The following TASP1 variants were observed in gnomAD, a reference collection of about 807,000 sequenced individuals.
TASP1 encodes the protein taspase 1, also known as threonine aspartase 1.
A neutral mutation model predicts 56.6 loss-of-function variants in TASP1; 16 were observed. The ratio of observed to expected loss-of-function variants is 0.28; its 90% CI spans 0.19 to 0.43. The LOEUF (loss-of-function observed/expected upper bound fraction) is 0.43, where lower values mean the gene tolerates loss of function less well. Among genes scored for constraint, TASP1 ranks in the 20% least tolerant of loss-of-function variants. The probability of loss-of-function intolerance (pLI) is 1.00; values close to 1 mark genes in which losing one functional copy is unlikely to be tolerated. For missense variants in TASP1, 393 were observed against 511.6 expected, an observed-to-expected ratio of 0.77 and a Z score of 2.24; for synonymous variants, 179 against 184.2, an observed-to-expected ratio of 0.97 and a Z score of 0.23.
chr20:13,325,714 C>T, the TASP1 span, among the ~76,000 whole-genome samples: 1 of 152,284 alleles, frequency 6.6e-6, no homozygotes, highest in South Asian at 2.1e-4. Context: ...TTCATTCCTT[C>T]CCTTTGATAA....
chr20:13,434,988 A>AT, intron 12 of TASP1, 56 bp downstream of exon 12: 2 of 1,335,982 alleles, frequency 1.5e-6, no homozygotes, highest in Admixed American at 2.3e-5. Context: ...AAATATTTTC[A>AT]TTTTTTCTTG....
the TASP1 span, among the ~76,000 whole-genome samples, chr20:13,218,757 G>A: frequency 8.5e-5 from 13 of 152,142 alleles, no homozygotes; most frequent in Non-Finnish European, 1.9e-4. Context: ...TGGCAAGCCT[G>A]GTTCGGCAAC....
At chr20:13,217,354 T>C in the TASP1 span, among the ~76,000 whole-genome samples, 1 of 152,172 alleles carries the variant, frequency 6.6e-6, no homozygotes, top group Non-Finnish European at 1.5e-5. Flanking sequence ...AAACTTTCCA[T>C]AGTAAAAAAA....
At chr20:13,142,275 T>G in the TASP1 span, among the ~76,000 whole-genome samples, 3 of 152,198 alleles carry the variant, frequency 2.0e-5, no homozygotes. Flanking sequence ...AAACAAGATA[T>G]CCTTTTACAT....
intron 10 of TASP1, among the ~76,000 whole-genome samples, chr20:13,521,526 G>A (rs570742035): frequency 0.017 from 2,634 of 151,230 alleles, 84 homozygotes; most frequent in African/African-American, 0.058. Flanking sequence ...GCAAACTATC[G>A]CAAGGACAAA....
chr20:13,298,763 TGCCAGGGGGC>T, the TASP1 span, among the ~76,000 whole-genome samples: 1 of 152,118 alleles, frequency 6.6e-6, no homozygotes, highest in African/African-American at 2.4e-5. Context: ...CTTCTGATGG[TGCCAGGGGGC>T]TGCAGGGGTG....
chr20:13,221,885 G>A, the TASP1 span: 9 of 1,402,612 alleles, frequency 6.4e-6, no homozygotes, highest in East Asian at 2.1e-4. Context: ...CGACGCGGCC[G>A]CGGGCAACGC....
chr20:13,166,749 T>A, the TASP1 span: 5 of 152,308 alleles, frequency 3.3e-5, no homozygotes, highest in East Asian at 1.9e-4. Flanking sequence ...GCAATAAACA[T>A]CTTCCTTTCT....
In TASP1 at chr20:13,393,806, C is replaced by A. The variant is rs1312856628; in HGVS notation, c.1171-3354G>T. 4.6e-5 allele frequency: 26 copies of A among 564,430 alleles called. No individual in the cohort carries two copies. In the East Asian group the frequency reaches 6.9e-4, roughly 15 times the overall value. 35.0% of individuals were successfully genotyped at this position (564,430 alleles called of 1,614,324 possible). A position where few individuals can be genotyped will look rare whatever the true frequency, so the allele number is the denominator to read the frequency against. ...CCTCCTCACAATGTCCATGCAGACA[C>A]CCTGAAGAGGGAGGGGCCTAGGGAG... is the stretch of plus-strand genomic sequence containing the variant. On this transcript the variant is annotated intron_variant, in intron 13 of 13. Transcript: ENST00000337743.
the TASP1 span, chr20:13,117,863 G>T: frequency 1.3e-6 from 1 of 746,482 alleles, no homozygotes; most frequent in Non-Finnish European, 2.1e-6. Flanking sequence ...GCTACAGTGG[G>T]TTCACAGCCA....
chr20:13,615,879 A>T (rs1408764447), intron 4 of TASP1, among the ~76,000 whole-genome samples: 1 of 152,146 alleles, frequency 6.6e-6, no homozygotes, highest in Admixed American at 6.5e-5. Flanking sequence ...CGGGTTTGAG[A>T]GATGGAAAAA....
the TASP1 span, among the ~76,000 whole-genome samples, chr20:13,289,237 T>C: frequency 6.6e-6 from 1 of 152,140 alleles, no homozygotes; most frequent in African/African-American, 2.4e-5. Flanking sequence ...TCTGGTTAGA[T>C]TGGGTTTTTG....
At chr20:13,494,629 G>A (rs1262052764) in intron 10 of TASP1, among the ~76,000 whole-genome samples, 1 of 152,060 alleles carries the variant, frequency 6.6e-6, no homozygotes, top group Non-Finnish European at 1.5e-5. Context: ...AAGATTCTAA[G>A]ATCCAAGTAT....
At chr20:13,586,226 G>GTAAAATAA (rs2047302003) in intron 5 of TASP1, among the ~76,000 whole-genome samples, 1 of 147,418 alleles carries the variant, frequency 6.8e-6, no homozygotes, top group Non-Finnish European at 1.5e-5. Context: ...CAAAAGACAT[G>GTAAAATAA]TAAAATAATA....
At chr20:13,122,858 A>G in the TASP1 span, among the ~76,000 whole-genome samples, 6 of 152,176 alleles carry the variant, frequency 3.9e-5, no homozygotes, top group Non-Finnish European at 5.9e-5. Flanking sequence ...AGGAAGAGTT[A>G]GGCTGAAAAT....
At chr20:13,218,299 AGT>A in the TASP1 span, among the ~76,000 whole-genome samples, 1 of 151,744 alleles carries the variant, frequency 6.6e-6, no homozygotes, top group Admixed American at 6.6e-5. Flanking sequence ...GGAAAGAGAG[AGT>A]GTGTGCAGAT....
At chr20:13,476,873 G>A (rs1480308605) in intron 11 of TASP1, among the ~76,000 whole-genome samples, 3 of 151,818 alleles carry the variant, frequency 2.0e-5, no homozygotes, top group African/African-American at 4.8e-5. Flanking sequence ...TTTTCTAATA[G>A]ACAAAAAAGA....
At chr20:13,132,365 C>A in the TASP1 span, among the ~76,000 whole-genome samples, 1 of 151,862 alleles carries the variant, frequency 6.6e-6, no homozygotes, top group African/African-American at 2.4e-5. Context: ...TTAGTAGAGA[C>A]AGGGTTTCAC....
At chr20:13,143,161 G>C in the TASP1 span, among the ~76,000 whole-genome samples, 90 of 152,100 alleles carry the variant, frequency 5.9e-4, no homozygotes, top group African/African-American at 2.1e-3. Flanking sequence ...ACATGTCTTG[G>C]GCACCAAAAA....
Sources: allele counts gnomAD v4.1 joint callset (sites outside exome capture counted in the v4.1 genomes callset), GRCh38; gene constraint gnomAD v4.1.1; transcripts MANE v1.5; gene names NCBI Gene and HGNC (gene_info 2026-07-23, HGNC 2026-07-21).